TAF15: variants seen among roughly 807,000 people sequenced by gnomAD.
The protein encoded by TAF15 is TATA-binding protein-associated factor 2N.
A neutral mutation model predicts 102.5 loss-of-function variants in TAF15; 37 were observed. The observed-to-expected ratio is 0.36, with a 90% CI of 0.28 to 0.47. The LOEUF (loss-of-function observed/expected upper bound fraction) is 0.47, where lower values mean the gene tolerates loss of function less well. Among genes scored for constraint, TAF15 ranks in the 20% least tolerant of loss-of-function variants. TAF15 has a pLI of 0.99. For missense variants in TAF15, 652 were observed against 760.7 expected, an observed-to-expected ratio of 0.86 and a Z score of 1.68; for synonymous variants, 273 against 259.2, an observed-to-expected ratio of 1.05 and a Z score of -0.51.
Position 35,836,211 on chromosome 17 carries a change from G to A in TAF15, c.753G>A (p.Gly251=). The change falls in exon 10 of 16, where the codon GGG becomes GGA. Residue 251 remains glycine, a synonymous_variant. Transcript: ENST00000605844. ...LGEGVSTDQV[G]EFFKQIGIIK... is the part of the protein sequence containing the mutation. The stretch of plus-strand genomic sequence containing the variant: ...AGGGTGTGTCTACAGATCAAGTTGG[G>A]GAGTTCTTTAAACAAATAGGAATTA... 6.2e-7 allele frequency: 1 copy of A among 1,612,832 alleles called. No individual in the cohort carries two copies. Among genetic ancestry groups the A allele is most frequent in the Non-Finnish European group, 8.5e-7 (1 of 1,179,062 alleles).
rs2087558892 is a variant in TAF15 at position 35,842,413 on chromosome 17, A to G, written c.960A>G (p.Arg320=). 1.2e-6 allele frequency: 2 copies of G among 1,614,056 alleles called. No homozygotes were observed. The highest frequency in any genetic ancestry group is 1.7e-6 in the Non-Finnish European group (2 of 1,180,036). ...GNIIKVSFAT[R]RPEFMRGGGS... ...TCATTAAAGTGTCCTTTGCCACTAG[A>G]AGACCTGAATTCATGAGAGGAGGTG... Residue 320 remains arginine, a synonymous_variant, in exon 12 of 16, where the codon AGA becomes AGG. Transcript: ENST00000605844.
At chr17:35,828,605 C>T (rs2087358627) in intron 7 of TAF15, among the ~76,000 whole-genome samples, 1 of 151,898 alleles carries the variant, frequency 6.6e-6, no homozygotes, top group African/African-American at 2.4e-5. Flanking sequence ...GTGGCACACG[C>T]CTGTAGTCCC....
chr17:35,823,453 A>T (rs996864028), intron 6 of TAF15, among the ~76,000 whole-genome samples: 2 of 152,136 alleles, frequency 1.3e-5, no homozygotes, highest in African/African-American at 4.8e-5. Flanking sequence ...TAATCCCAGC[A>T]TTTTGGGAGG....
At chr17:35,821,833 A>G (rs2143764079) in intron 5 of TAF15, among the ~76,000 whole-genome samples, 1 of 152,306 alleles carries the variant, frequency 6.6e-6, no homozygotes, top group South Asian at 2.1e-4. Flanking sequence ...AAAATGTACT[A>G]TCACTGAAGA....
chr17:35,839,442 C>T (rs1175689523), intron 11 of TAF15, among the ~76,000 whole-genome samples: 8 of 119,604 alleles, frequency 6.7e-5, no homozygotes, highest in South Asian at 2.8e-4. Flanking sequence ...AGTGCAGTGG[C>T]GCAATCTCGG....
chr17:35,826,137 A>T (rs1277574011), intron 7 of TAF15, among the ~76,000 whole-genome samples: 1 of 152,152 alleles, frequency 6.6e-6, no homozygotes, highest in African/African-American at 2.4e-5. Flanking sequence ...TGTGGCCTAG[A>T]TACTGACTTA....
chr17:35,830,885 G>A (rs2143793162), intron 7 of TAF15, among the ~76,000 whole-genome samples: 1 of 152,256 alleles, frequency 6.6e-6, no homozygotes, highest in Non-Finnish European at 1.5e-5. Flanking sequence ...ATTCCATCAT[G>A]TTTTGATTAG....
chr17:35,835,820 C>G (rs1342029723), intron 9 of TAF15, among the ~76,000 whole-genome samples: 3 of 152,226 alleles, frequency 2.0e-5, no homozygotes, highest in Non-Finnish European at 4.4e-5. Flanking sequence ...CTAACTCCAT[C>G]TCTTCATGAC....
intron 2 of TAF15, among the ~76,000 whole-genome samples, chr17:35,818,973 A>G (rs1465951800): frequency 1.3e-5 from 2 of 152,214 alleles, no homozygotes; most frequent in African/African-American, 4.8e-5. Flanking sequence ...CCATCCTCAC[A>G]GTAAAAAGGA....
In TAF15 at chr17:35,838,410, C is replaced by A; in HGVS notation, c.784-14C>A. Reference sequence around the variant, plus strand: ...TTAAAAATGCTAACACCAAGTGTTTCTGTTTTTCCTCAGACAAATAAGAAG... The same window carrying A: ...TTAAAAATGCTAACACCAAGTGTTTATGTTTTTCCTCAGACAAATAAGAAG... On this transcript the variant is annotated splice_polypyrimidine_tract_variant and intron_variant, in intron 10 of 15. Transcript: ENST00000605844. 6.2e-7 allele frequency: 1 copy of A among 1,613,970 alleles called. No individual in the cohort carries two copies.
intron 11 of TAF15, 126 bp from the exon 12 acceptor site, chr17:35,842,241 T>A (rs2087557171): frequency 2.7e-6 from 2 of 731,644 alleles, no homozygotes; most frequent in East Asian, 2.7e-5. Context: ...ACTCTTTGCA[T>A]TTGAATTTCT....
At chr17:35,843,365 C>G (rs891028472) in intron 12 of TAF15, among the ~76,000 whole-genome samples, 1 of 152,188 alleles carries the variant, frequency 6.6e-6, no homozygotes, top group African/African-American at 2.4e-5. Flanking sequence ...CTGAGATGAT[C>G]TGCTTGCCTT....
intron 9 of TAF15, among the ~76,000 whole-genome samples, chr17:35,835,336 C>A (rs75863782): frequency 0.021 from 3,248 of 152,274 alleles, 68 homozygotes; most frequent in East Asian, 0.11. Context: ...AACCTAAATT[C>A]ATACATGAGA....
intron 7 of TAF15, among the ~76,000 whole-genome samples, chr17:35,827,566 C>T (rs1407992636): frequency 6.6e-6 from 1 of 151,908 alleles, no homozygotes; most frequent in Non-Finnish European, 1.5e-5. Context: ...ATTAGCTGGA[C>T]ACGATGGTGG....
intron 6 of TAF15, 135 bp downstream of exon 6, chr17:35,822,968 A>T: frequency 1.8e-6 from 2 of 1,083,406 alleles, no homozygotes; most frequent in Non-Finnish European, 2.8e-6. Context: ...GTTCCCTCTC[A>T]TGGTAATCAA....
At chr17:35,834,479 T>C in intron 8 of TAF15, 87 bp from the exon 9 acceptor site, 1 of 1,290,360 alleles carries the variant, frequency 7.7e-7, no homozygotes, top group Non-Finnish European at 1.1e-6. Context: ...TATTGACTTT[T>C]CATGCCTTGG....
intron 15 of TAF15, among the ~76,000 whole-genome samples, chr17:35,846,141 A>C (rs761506438): frequency 6.6e-5 from 10 of 152,192 alleles, no homozygotes; most frequent in Admixed American, 1.3e-4. Flanking sequence ...GGCAGTGAGA[A>C]TTAGTATAGA....
intron 7 of TAF15, among the ~76,000 whole-genome samples, chr17:35,827,474 G>T (rs1420403497): frequency 6.6e-6 from 1 of 152,162 alleles, no homozygotes; most frequent in Non-Finnish European, 1.5e-5. Context: ...GGAGGGCACA[G>T]CGGGTGGATC....
chr17:35,814,325 C>G (rs748940957), intron 1 of TAF15, among the ~76,000 whole-genome samples: 1 of 152,000 alleles, frequency 6.6e-6, no homozygotes, highest in Admixed American at 6.6e-5. Flanking sequence ...ACCACCACCA[C>G]GTCCGGCTAA....
Sources: gnomAD v4.1 joint callset for allele counts (sites outside exome capture counted in the v4.1 genomes callset) on GRCh38, gnomAD v4.1.1 for gene constraint, MANE v1.5 for transcripts, NCBI Gene and HGNC (gene_info 2026-07-23, HGNC 2026-07-21) for gene names.